The following POMGNT2 variants were observed in gnomAD, a reference collection of about 807,000 sequenced individuals.
POMGNT2 encodes protein O-linked mannose N-acetylglucosaminyltransferase 2 (beta 1,4-).
In POMGNT2, 32 loss-of-function variants were observed where a neutral mutation model predicts 37.8. The ratio of observed to expected loss-of-function variants is 0.85; its 90% CI spans 0.64 to 1.14. The LOEUF (loss-of-function observed/expected upper bound fraction) is 1.14, where lower values mean the gene tolerates loss of function less well. POMGNT2 is among the 50% of genes most tolerant of loss of function. POMGNT2 has a pLI of 0.00. For synonymous variants in POMGNT2, 340 were observed against 336.8 expected (o/e 1.01, Z -0.10); for missense variants, 705 against 780.6 (o/e 0.90, Z 1.15).
rs769075803 is a variant in POMGNT2, at chr3:43,081,202, C to T, written c.230G>A (p.Arg77His). The T allele has an allele frequency of 6.8e-5, 109 of 1,614,108 alleles. No individual in the cohort carries two copies. Among genetic ancestry groups the T allele is most frequent in the Middle Eastern group, 1.6e-4 (1 of 6,062 alleles). Reference sequence around the variant, plus strand: ...GCAGAGCCACTTGAAGCGGCAGATGCGGTCTGTGTGCGTGCGGCCCGTGCA... The same window carrying T: ...GCAGAGCCACTTGAAGCGGCAGATGTGGTCTGTGTGCGTGCGGCCCGTGCA... ...MVCTGRTHTD[R>H]ICRFKWLCYS... is the part of the protein sequence containing the mutation. The change falls in exon 2 of 2, where the codon CGC (arginine) becomes CAC (histidine). Residue 77 changes from arginine to histidine, a missense_variant. Arg to His is a conservative substitution (Grantham distance 29). Coordinates refer to ENST00000344697, the MANE Select transcript of POMGNT2 (RefSeq NM_032806.6).
At chr3:43,087,481 G>C (rs1217124008) in intron 1 of POMGNT2, 1 of 152,264 alleles carries the variant, frequency 6.6e-6, no homozygotes, top group African/African-American at 2.4e-5. Flanking sequence ...TGACTAGGGA[G>C]ACCAGCAGGT....
chr3:43,104,377 C>T (rs2125713626), intron 1 of POMGNT2, among the ~76,000 whole-genome samples: 1 of 152,344 alleles, frequency 6.6e-6, no homozygotes, highest in East Asian at 1.9e-4. Context: ...GCAATATTTA[C>T]TAGAAGGCTT....
chr3:43,085,095 A>G (rs2089886654), intron 1 of POMGNT2, among the ~76,000 whole-genome samples: 1 of 152,130 alleles, frequency 6.6e-6, no homozygotes, highest in Non-Finnish European at 1.5e-5. Flanking sequence ...AGGGATACTC[A>G]GCACAGAGTG....
chr3:43,089,926 C>G (rs1454088247), intron 1 of POMGNT2, among the ~76,000 whole-genome samples: 1 of 152,088 alleles, frequency 6.6e-6, no homozygotes, highest in Non-Finnish European at 1.5e-5. Context: ...TTCAGGTCTT[C>G]AAGGCTCTTG....
chr3:43,086,597 G>A (rs547034095), intron 1 of POMGNT2, among the ~76,000 whole-genome samples: 1 of 152,280 alleles, frequency 6.6e-6, no homozygotes, highest in East Asian at 1.9e-4. Flanking sequence ...CGTTGCAGCA[G>A]GAACCCTGCA....
chr3:43,097,230 A>C (rs1559420060), intron 1 of POMGNT2, among the ~76,000 whole-genome samples: 1 of 152,216 alleles, frequency 6.6e-6, no homozygotes, highest in Non-Finnish European at 1.5e-5. Context: ...GGCCGGAGCC[A>C]ATGGAGAAAG....
chr3:43,088,425 C>A (rs2089915236), intron 1 of POMGNT2, among the ~76,000 whole-genome samples: 1 of 152,202 alleles, frequency 6.6e-6, no homozygotes. Flanking sequence ...AGTGTACTGA[C>A]AGACGACATA....
chr3:43,081,466 G>C lies in POMGNT2; in HGVS notation c.-35C>G. On this transcript the variant is annotated 5_prime_UTR_variant, in exon 2 of 2. Transcript: ENST00000344697. Reference sequence around the variant, plus strand: ...ACTGTGGGGCCCTAATGAGATGACGGCCACTGGGAAGCACCACAGGCCAGG... The same window carrying C: ...ACTGTGGGGCCCTAATGAGATGACGCCCACTGGGAAGCACCACAGGCCAGG... 3.4e-6 allele frequency: 5 copies of C among 1,482,796 alleles called. No individual in the cohort carries two copies. The highest frequency in any genetic ancestry group is 2.8e-5 in the South Asian group (2 of 72,596). 91.9% of individuals were successfully genotyped at this position (1,482,796 alleles called of 1,614,324 possible). A position where few individuals can be genotyped will look rare whatever the true frequency, so the allele number is the denominator to read the frequency against.
At chr3:43,095,713 T>G (rs1286885319) in intron 1 of POMGNT2, among the ~76,000 whole-genome samples, 1 of 152,234 alleles carries the variant, frequency 6.6e-6, no homozygotes, top group Non-Finnish European at 1.5e-5. Flanking sequence ...GCTTAGGTCT[T>G]AACCTAGTGT....
chr3:43,096,435 C>A (rs749122379), intron 1 of POMGNT2, among the ~76,000 whole-genome samples: 18 of 152,208 alleles, frequency 1.2e-4, no homozygotes, highest in Non-Finnish European at 2.2e-4. Flanking sequence ...AAGAGGCTAA[C>A]ACTATTTCTA....
At chr3:43,105,144 G>A (rs974166111) in intron 1 of POMGNT2, among the ~76,000 whole-genome samples, 1 of 152,202 alleles carries the variant, frequency 6.6e-6, no homozygotes, top group Admixed American at 6.5e-5. Context: ...CCCTGCACCT[G>A]GTGCAAGACT....
At chr3:43,090,190 G>C (rs1268605404) in intron 1 of POMGNT2, among the ~76,000 whole-genome samples, 1 of 152,104 alleles carries the variant, frequency 6.6e-6, no homozygotes, top group Non-Finnish European at 1.5e-5. Context: ...GTAAAGTTCA[G>C]TATCCCCTTC....
rs1392387953 is a variant in POMGNT2 at position 43,080,357 on chromosome 3, C to T, written c.1075G>A (p.Ala359Thr). 2.5e-6 allele frequency: 4 copies of T among 1,613,994 alleles called. No homozygotes were observed. The highest frequency in any genetic ancestry group is 1.7e-5 in the Admixed American group (1 of 60,008). ...TATGGGAAGAGCTCTACCACAGTTG[C>T]CCCACGGGGCAGGAAGAGGGTGGTG... ...LVTTLFLPRGATVVELFPYAV... is the reference protein window; with the variant it reads ...LVTTLFLPRGTTVVELFPYAV... Residue 359 changes from alanine (A) to threonine (T), a missense_variant, in exon 2 of 2, where the codon GCA becomes ACA. Coordinates refer to ENST00000344697, the MANE Select transcript of POMGNT2 (RefSeq NM_032806.6).
chr3:43,097,803 A>G (rs2089990596), intron 1 of POMGNT2, among the ~76,000 whole-genome samples: 1 of 152,224 alleles, frequency 6.6e-6, no homozygotes, highest in African/African-American at 2.4e-5. Context: ...ACTTCTGGCA[A>G]TTATTCAAAT....
chr3:43,088,121 C>G (rs958336867), intron 1 of POMGNT2: 17 of 152,192 alleles, frequency 1.1e-4, no homozygotes, highest in Non-Finnish European at 1.3e-4. Flanking sequence ...TTTTAAGGCA[C>G]CAGATAGCTA....
chr3:43,096,520 C>T (rs1299254532), intron 1 of POMGNT2, among the ~76,000 whole-genome samples: 1 of 152,170 alleles, frequency 6.6e-6, no homozygotes, highest in Admixed American at 6.5e-5. Flanking sequence ...TCAGCATGTA[C>T]AGAATGGAGG....
At chr3:43,087,664 T>A (rs1362175769) in intron 1 of POMGNT2, 1 of 152,162 alleles carries the variant, frequency 6.6e-6, no homozygotes, top group Non-Finnish European at 1.5e-5. Flanking sequence ...AACACCTCAG[T>A]CTCGGGAAGC....
chr3:43,088,413 C>T (rs150332875), intron 1 of POMGNT2, among the ~76,000 whole-genome samples: 232 of 152,300 alleles, frequency 1.5e-3, no homozygotes, highest in African/African-American at 5.1e-3. Context: ...GCGTCCAGGT[C>T]GAGTGTACTG....
rs1449659844 is a variant in POMGNT2 at position 43,090,885 on chromosome 3, T to C, written c.-105-9349A>G. 2.0e-5 allele frequency among the ~76,000 whole-genome samples: 3 copies of C among 152,166 alleles called. No homozygotes were observed. In the South Asian group the frequency reaches 6.2e-4, roughly 32 times the overall value. On this transcript the variant is annotated intron_variant, in intron 1 of 1. Transcript: ENST00000344697. ...GAGGAACAGTGGGAATATTTGTGAG[T>C]GTTTACCCTAAAGGAATGACTGGAC...
Sources: allele counts gnomAD v4.1 joint callset (sites outside exome capture counted in the v4.1 genomes callset), GRCh38; gene constraint gnomAD v4.1.1; transcripts MANE v1.5; gene names NCBI Gene and HGNC (gene_info 2026-07-23, HGNC 2026-07-21).